The following VPS13D variants were observed in gnomAD, a reference collection of about 807,000 sequenced individuals.
VPS13D encodes the protein vacuolar protein sorting 13 homolog D.
In VPS13D, 187 loss-of-function variants were observed where a neutral mutation model predicts 461.9. The observed-to-expected ratio is 0.40, with a 90% CI of 0.36 to 0.46. VPS13D has a LOEUF of 0.46. Among genes scored for constraint, VPS13D ranks in the 20% least tolerant of loss-of-function variants. The pLI, the probability that VPS13D is intolerant of heterozygous loss-of-function variation, is 0.60. For missense variants in VPS13D, 4,711 were observed against 5,364.9 expected, an observed-to-expected ratio of 0.88 and a Z score of 3.81; for synonymous variants, 1,951 against 1,986.3, an observed-to-expected ratio of 0.98 and a Z score of 0.47.
chr1:12,379,453 A>G (rs1228318630), intron 56 of VPS13D, 35 bp from the exon 57 acceptor site: 2 of 1,584,728 alleles, frequency 1.3e-6, no homozygotes, highest in Admixed American at 3.4e-5. Flanking sequence ...GTTGACTCGG[A>G]GGTTTCATGG....
At chr1:12,314,519 A>G (rs1190040387) in intron 30 of VPS13D, among the ~76,000 whole-genome samples, 192 bp downstream of exon 30, 1 of 152,204 alleles carries the variant, frequency 6.6e-6, no homozygotes, top group East Asian at 1.9e-4. Flanking sequence ...TATTGGCCAA[A>G]AGATGTCTCT....
chr1:12,413,533 A>G (rs1054567731), intron 63 of VPS13D, among the ~76,000 whole-genome samples: 2 of 152,194 alleles, frequency 1.3e-5, no homozygotes, highest in African/African-American at 4.8e-5. Context: ...GTACAGTGGC[A>G]TGATCTCAGC....
intron 63 of VPS13D, among the ~76,000 whole-genome samples, chr1:12,412,271 TC>T (rs1336400358): frequency 3.3e-5 from 5 of 152,242 alleles, no homozygotes; most frequent in Non-Finnish European, 7.3e-5. Context: ...TGATGAAAAT[TC>T]CAGCAGTTTT....
intron 5 of VPS13D, among the ~76,000 whole-genome samples, chr1:12,245,994 A>T (rs193056805): frequency 6.6e-6 from 1 of 152,356 alleles, no homozygotes; most frequent in Admixed American, 6.5e-5. Context: ...AGATTAAACA[A>T]AGCTGGACCT....
chr1:12,392,263 G>A (rs912965607), intron 60 of VPS13D, among the ~76,000 whole-genome samples: 10 of 152,092 alleles, frequency 6.6e-5, no homozygotes, highest in African/African-American at 2.2e-4. Flanking sequence ...AGGCCAAGGC[G>A]GGCAGATGGC....
chr1:12,385,432 T>C, intron 59 of VPS13D, 59 bp downstream of exon 59: 1 of 1,324,416 alleles, frequency 7.6e-7, no homozygotes, highest in Non-Finnish European at 1.1e-6. Context: ...GAATTTTACT[T>C]GGTGGTATTT....
chr1:12,282,611 G>GC, intron 20 of VPS13D, 94 bp from the exon 21 acceptor site: 1 of 1,222,844 alleles, frequency 8.2e-7, no homozygotes, highest in Non-Finnish European at 1.2e-6. Context: ...ACAGCCTCAT[G>GC]TAGGAATCAT....
chr1:12,295,222 CAAAA>C (rs112447551), intron 24 of VPS13D, among the ~76,000 whole-genome samples: 2 of 72,978 alleles, frequency 2.7e-5, no homozygotes, highest in South Asian at 4.5e-4. Flanking sequence ...CACCATGACT[CAAAA>C]AAAAAAAAAA....
intron 2 of VPS13D, among the ~76,000 whole-genome samples, chr1:12,236,742 A>G (rs192993783): frequency 2.1e-4 from 32 of 152,266 alleles, no homozygotes; most frequent in African/African-American, 7.5e-4. Context: ...TGGGAGATGC[A>G]AAGAGGACTG....
chr1:12,441,757 G>T (rs373294819), intron 65 of VPS13D, among the ~76,000 whole-genome samples: 2 of 152,124 alleles, frequency 1.3e-5, no homozygotes, highest in South Asian at 2.1e-4. Context: ...TTCATCTGTT[G>T]TTTTCTGTTT....
chr1:12,231,802 AC>A (rs1356890240), intron 1 of VPS13D, among the ~76,000 whole-genome samples: 1 of 152,192 alleles, frequency 6.6e-6, no homozygotes, highest in Non-Finnish European at 1.5e-5. Context: ...AGCCTGGCCA[AC>A]ATGATGAAAC....
In VPS13D at chr1:12,497,586, G is replaced by T; in HGVS notation, c.12749G>T (p.Gly4250Val). Residue 4250 changes from glycine to valine, a missense_variant, in exon 68 of 70, where the codon GGA (glycine) becomes GTA (valine). Physicochemically the swap from Gly to Val is moderately radical, Grantham distance 109. This residue lies in a region of VPS13D where 194 missense variants were observed against 220.9 expected (regional missense o/e 0.88). Coordinates refer to ENST00000620676, the MANE Select transcript of VPS13D (RefSeq NM_015378.4). ...LPRYSESQAE[G>V]QEQLFKLTDN... The stretch of plus-strand genomic sequence containing the variant: ...CGATATTCTGAGAGCCAGGCGGAAG[G>T]ACAGGAGCAGCTCTTCAAACTCACA... The T allele has an allele frequency of 6.2e-7, 1 of 1,614,100 alleles. No homozygotes were observed. The highest frequency in any genetic ancestry group is 8.5e-7 in the Non-Finnish European group (1 of 1,180,014).
In VPS13D at chr1:12,502,101, G is replaced by A. The variant is rs1056265760; in HGVS notation, c.12794+4470G>A. ...CGAGGAGCTTGCCTCTCCTGTAGGT[G>A]GGAGTGAGATTGTGAGGAAGAGGAT... On this transcript the variant is annotated intron_variant, in intron 68 of 69. Transcript: ENST00000620676. The surrounding 1 kb of genome is among the most constrained non-coding windows in gnomAD (Gnocchi z 4.3). 1.3e-5 allele frequency among the ~76,000 whole-genome samples: 2 copies of A among 152,182 alleles called. No homozygotes were observed. Among genetic ancestry groups the A allele is most frequent in the Non-Finnish European group, 2.9e-5 (2 of 68,032 alleles).
At chr1:12,407,773 A>G (rs187495270) in intron 63 of VPS13D, among the ~76,000 whole-genome samples, 6 of 152,036 alleles carry the variant, frequency 3.9e-5, no homozygotes, top group African/African-American at 1.5e-4. Flanking sequence ...CGGAAAGGTA[A>G]TAGTGTCTAT....
rs563174682 is a variant in VPS13D at position 12,269,547 on chromosome 1, AT to A, written c.1972+674del. 1.1e-4 allele frequency among the ~76,000 whole-genome samples: 17 copies of A among 152,310 alleles called. 1 individual carries two copies. The South Asian group carries it at 3.5e-3, about 32-fold the overall frequency. On this transcript the variant is annotated intron_variant, in intron 16 of 69. Coordinates refer to ENST00000620676, the MANE Select transcript of VPS13D (RefSeq NM_015378.4). ...GTGAACTGAGGAGGAATGTTCAAGA[AT>A]TTCCTTCTAGATGACAGGATCAGTG...
chr1:12,410,979 A>G (rs556911882), intron 63 of VPS13D, among the ~76,000 whole-genome samples: 1 of 152,362 alleles, frequency 6.6e-6, no homozygotes, highest in Admixed American at 6.5e-5. Context: ...GTTTAGGTCT[A>G]TCTGGTAAAA....
chr1:12,282,903 A>G lies in VPS13D; in HGVS notation c.4801A>G (p.Asn1601Asp). The G allele has an allele frequency of 1.9e-6, 3 of 1,614,184 alleles. No individual in the cohort carries two copies. Among genetic ancestry groups the G allele is most frequent in the African/African-American group, 1.3e-5 (1 of 75,046 alleles). The stretch of plus-strand genomic sequence containing the variant: ...ATTGTTCAGCCACTCCAGCCTTTCT[A>G]ACACCTCTCAGAAGTCATTGTCAGT... ...NGLFSHSSLS[N>D]TSQKSLSVKE... Residue 1601 changes from asparagine (N) to aspartate (D), a missense_variant, in exon 21 of 70, where the codon AAC (asparagine) becomes GAC (aspartate). Around this residue, in one of 3 missense-constraint regions of VPS13D, gnomAD observed 4,411 missense variants for 4,937.8 expected, o/e 0.89. Coordinates refer to ENST00000620676, the MANE Select transcript of VPS13D (RefSeq NM_015378.4).
At chr1:12,420,487 G>T (rs902966577) in intron 65 of VPS13D, among the ~76,000 whole-genome samples, 3 of 152,228 alleles carry the variant, frequency 2.0e-5, no homozygotes, top group Admixed American at 6.5e-5. Context: ...TTACTGCAAA[G>T]ACCAGAGGGC....
At chr1:12,261,330 G>A (rs566510860) in intron 12 of VPS13D, among the ~76,000 whole-genome samples, 181 bp downstream of exon 12, 7 of 152,356 alleles carry the variant, frequency 4.6e-5, no homozygotes, top group South Asian at 4.1e-4. Context: ...CTAAATGTGC[G>A]TATTAATGCA....
Sources: allele counts gnomAD v4.1 joint callset (sites outside exome capture counted in the v4.1 genomes callset), GRCh38; gene constraint gnomAD v4.1.1; regional missense constraint gnomAD v4.1.1; non-coding constraint Gnocchi (gnomAD v3.1); transcripts MANE v1.5; gene names NCBI Gene and HGNC (gene_info 2026-07-23, HGNC 2026-07-21).